Variants in NHLRC2 observed in about 807,000 individuals in gnomAD.
The protein encoded by NHLRC2 is NHL repeat containing 2.
A neutral mutation model predicts 68.1 loss-of-function variants in NHLRC2; 33 were observed. The ratio of observed to expected loss-of-function variants is 0.48; its 90% CI spans 0.37 to 0.65. The LOEUF is 0.65. Ranked by LOEUF, NHLRC2 falls within the 30% of genes least tolerant of loss-of-function variation. The pLI, the probability that NHLRC2 is intolerant of heterozygous loss-of-function variation, is 0.00. For missense variants in NHLRC2, 761 were observed against 853.8 expected (o/e 0.89, Z 1.35); for synonymous variants, 311 against 309.6 (o/e 1.00, Z -0.05).
Position 113,904,053 on chromosome 10 carries a change from A to G in NHLRC2, c.1704+317A>G, listed in dbSNP as rs115527104. Among the ~76,000 whole-genome samples, 521 of 151,166 alleles carry G rather than the reference A, an allele frequency of 3.4e-3. 2 individuals are homozygous for G. Among genetic ancestry groups the G allele is most frequent in the African/African-American group, 0.012 (490 of 41,418 alleles). Reference sequence around the variant, plus strand: ...GTGTACAGACATACTGACATACACTACATACACCTGCTCTGTGGGTTGGGT... The same window carrying G: ...GTGTACAGACATACTGACATACACTGCATACACCTGCTCTGTGGGTTGGGT... On this transcript the variant is annotated intron_variant, in intron 9 of 10. Coordinates refer to ENST00000369301, the MANE Select transcript of NHLRC2 (RefSeq NM_198514.4).
chr10:113,887,072 CAA>C (rs1457024885), intron 5 of NHLRC2, among the ~76,000 whole-genome samples: 1 of 152,048 alleles, frequency 6.6e-6, no homozygotes, highest in East Asian at 1.9e-4. Context: ...AAACATTTCT[CAA>C]AAGAGATATG....
At chr10:113,879,880 T>C (rs1406353113) in intron 4 of NHLRC2, among the ~76,000 whole-genome samples, 185 bp downstream of exon 4, 1 of 152,090 alleles carries the variant, frequency 6.6e-6, no homozygotes, top group Non-Finnish European at 1.5e-5. Flanking sequence ...CAGTATGTAT[T>C]TGTCACAAAA....
chr10:113,858,095 A>T, intron 1 of NHLRC2, among the ~76,000 whole-genome samples: 2 of 144,384 alleles, frequency 1.4e-5, no homozygotes, highest in Non-Finnish European at 1.5e-5. Flanking sequence ...CTTTTCACAG[A>T]CTGTTACCCT....
chr10:113,874,074 ACTTT>A (rs1452181668), intron 2 of NHLRC2, among the ~76,000 whole-genome samples: 1 of 152,046 alleles, frequency 6.6e-6, no homozygotes, highest in Non-Finnish European at 1.5e-5. Context: ...AACATGATGC[ACTTT>A]CTTTGCTGTT....
chr10:113,907,529 G>C (rs1235254511), intron 10 of NHLRC2, among the ~76,000 whole-genome samples: 1 of 152,178 alleles, frequency 6.6e-6, no homozygotes, highest in Non-Finnish European at 1.5e-5. Context: ...TGACATGTGT[G>C]TTCCTTCTAA....
At position 113,865,597 on chromosome 10, in the gene NHLRC2, C is replaced by CTTT. The variant is rs59697946; in HGVS notation, c.331+6931_331+6933dup. On this transcript the variant is annotated intron_variant, in intron 2 of 10. Transcript: ENST00000369301. ...TTTTTTTTTTTTAATATAACTTCGA[C>CTTT]TTTTTTTTTTTTTTTTAGTTTAAGT... Among the ~76,000 whole-genome samples the CTTT allele has an allele frequency of 2.4e-3, 256 of 108,414 alleles. 1 individual carries two copies. Among genetic ancestry groups the CTTT allele is most frequent in the African/African-American group, 8.4e-3 (244 of 29,038 alleles). The allele number at this position is 108,414 out of a possible 152,430, so 71.1% of individuals were successfully genotyped here.
intron 10 of NHLRC2, among the ~76,000 whole-genome samples, chr10:113,907,651 A>C (rs1413718504): frequency 1.3e-5 from 2 of 152,190 alleles, no homozygotes; most frequent in African/African-American, 4.8e-5. Context: ...TATTTCTAGG[A>C]AGAGTTTTAC....
At chr10:113,862,500 A>T (rs1165506771) in intron 2 of NHLRC2, among the ~76,000 whole-genome samples, 1 of 152,106 alleles carries the variant, frequency 6.6e-6, no homozygotes, top group Non-Finnish European at 1.5e-5. Context: ...AAAAAACAGT[A>T]ATGTAGAAAA....
intron 2 of NHLRC2, among the ~76,000 whole-genome samples, chr10:113,859,708 A>ATATC (rs2134686538): frequency 6.6e-6 from 1 of 152,300 alleles, no homozygotes; most frequent in African/African-American, 2.4e-5. Context: ...CTTGTTCAAG[A>ATATC]CATCACGTTT....
Position 113,891,743 on chromosome 10 carries a change from C to A in NHLRC2, c.1040-6367C>A, listed in dbSNP as rs1231475648. ...GCCGTCCCAGGGATAGACTGCTACT[C>A]GTTGTTATTCTGCCCCAGGCTTGTG... is the stretch of plus-strand genomic sequence containing the variant. On this transcript the variant is annotated intron_variant, in intron 5 of 10. Coordinates refer to ENST00000369301, the MANE Select transcript of NHLRC2 (RefSeq NM_198514.4). 2.6e-5 allele frequency among the ~76,000 whole-genome samples: 4 copies of A among 152,148 alleles called. No homozygotes were observed. In the South Asian group the frequency reaches 8.3e-4, roughly 32 times the overall value.
rs1301102860 is a variant in NHLRC2 at position 113,871,696 on chromosome 10, A to C, written c.332-4825A>C. Among the ~76,000 whole-genome samples the C allele has an allele frequency of 3.3e-5, 5 of 152,330 alleles. No homozygotes were observed. The East Asian group carries it at 9.6e-4, about 29-fold the overall frequency. ...TATATGTCAATAAACCTAATGATTA[A>C]AAAGAATCTATCTGTGCTACTTCTG... is the stretch of plus-strand genomic sequence containing the variant. On this transcript the variant is annotated intron_variant, in intron 2 of 10. Coordinates refer to ENST00000369301, the MANE Select transcript of NHLRC2 (RefSeq NM_198514.4).
rs554446039 is a variant in NHLRC2 at position 113,856,180 on chromosome 10, T to C, written c.178+1130T>C. Among the ~76,000 whole-genome samples, 337 of 152,374 alleles carry C rather than the reference T, an allele frequency of 2.2e-3. 3 individuals are homozygous for C. The highest frequency in any genetic ancestry group is 3.4e-3 in the Middle Eastern group (1 of 294). On this transcript the variant is annotated intron_variant, in intron 1 of 10. Transcript: ENST00000369301. ...GTTTGTGAAGCATATCTTGCCATGA[T>C]AAATGAAAACGTATTTTACCTTCTT... is the stretch of plus-strand genomic sequence containing the variant.
At chr10:113,857,702 C>A (rs1425756719) in intron 1 of NHLRC2, among the ~76,000 whole-genome samples, 35 of 152,092 alleles carry the variant, frequency 2.3e-4, no homozygotes, top group Admixed American at 2.3e-3. Context: ...AATCTTTCTT[C>A]ATAGTACAGA....
intron 2 of NHLRC2, among the ~76,000 whole-genome samples, chr10:113,869,195 G>A (rs1845899041): frequency 6.6e-6 from 1 of 152,184 alleles, no homozygotes; most frequent in South Asian, 2.1e-4. Context: ...TAGCTGATAA[G>A]AGCAATAGGA....
chr10:113,896,727 A>G (rs901389541), intron 5 of NHLRC2, among the ~76,000 whole-genome samples: 11 of 152,140 alleles, frequency 7.2e-5, no homozygotes, highest in African/African-American at 2.7e-4. Flanking sequence ...ATGGTGGCTC[A>G]TGAGCGCCTG....
chr10:113,890,395 A>G (rs1020688701), intron 5 of NHLRC2, among the ~76,000 whole-genome samples: 1 of 152,014 alleles, frequency 6.6e-6, no homozygotes, highest in South Asian at 2.1e-4. Flanking sequence ...CTTGTTCTTT[A>G]TATGTAAAGT....
At chr10:113,879,510 GT>G (rs1846017610) in intron 3 of NHLRC2, 63 bp from the exon 4 acceptor site, 1 of 1,339,036 alleles carries the variant, frequency 7.5e-7, no homozygotes, top group African/African-American at 1.5e-5. Flanking sequence ...ATACAAGTTT[GT>G]TTTGTTTTGT....
rs753110204 is a variant in NHLRC2, at chr10:113,916,167, C to T, written c.*7631C>T. 6.6e-6 allele frequency: 1 copy of T among 152,112 alleles called. No individual in the cohort carries two copies. The highest frequency in any genetic ancestry group is 1.5e-5 in the Non-Finnish European group (1 of 68,032). The allele number at this position is 152,112 out of a possible 1,614,324, so 9.4% of individuals were successfully genotyped here. On this transcript the variant is annotated 3_prime_UTR_variant, in exon 11 of 11. Transcript: ENST00000369301. ...TTTGAGCATGTACAGGGTGGGCTCC[C>T]TGTTGTATTTATTACACTTTTCAAA...
intron 5 of NHLRC2, among the ~76,000 whole-genome samples, chr10:113,893,178 G>T (rs1846147609): frequency 1.3e-5 from 2 of 152,078 alleles, no homozygotes. Context: ...AGGAGGCTGT[G>T]GGTACATTTA....
Sources: gnomAD v4.1 joint callset for allele counts (sites outside exome capture counted in the v4.1 genomes callset) on GRCh38, gnomAD v4.1.1 for gene constraint, MANE v1.5 for transcripts, NCBI Gene and HGNC (gene_info 2026-07-23, HGNC 2026-07-21) for gene names.